XPO4: variants seen among roughly 807,000 people sequenced by gnomAD.
The protein encoded by XPO4 is exportin-4.
In XPO4, 39 loss-of-function variants were observed where a neutral mutation model predicts 143.0. The ratio of observed to expected loss-of-function variants is 0.27; its 90% CI spans 0.21 to 0.36. XPO4 has a LOEUF of 0.36. XPO4 is among the 10% of genes least tolerant of loss of function. The pLI is 1.00. For missense variants in XPO4, 907 were observed against 1,348.0 expected (o/e 0.67, Z 5.12); for synonymous variants, 439 against 474.0 (o/e 0.93, Z 0.96).
Position 20,861,777 on chromosome 13 carries a change from C to CTTTTTT in XPO4, c.317+934_317+939dup, listed in dbSNP as rs71200306. 4.7e-3 allele frequency among the ~76,000 whole-genome samples: 347 copies of CTTTTTT among 73,432 alleles called. 31 individuals carry two copies. The highest frequency in any genetic ancestry group is 0.034 in the Middle Eastern group (3 of 88). 48.2% of individuals were successfully genotyped at this position (73,432 alleles called of 152,430 possible). A position where few individuals can be genotyped will look rare whatever the true frequency, so the allele number is the denominator to read the frequency against. ...TTAATAGAACCTTGCACATTTCTCTCTTTTTTTTTTTTTTTTTTTTTTTTT... is the reference window on the plus strand; with the variant it reads ...TTAATAGAACCTTGCACATTTCTCTCTTTTTTTTTTTTTTTTTTTTTTTTTTTTTTT... On this transcript the variant is annotated intron_variant, in intron 3 of 22. Transcript: ENST00000255305.
chr13:20,878,185 A>G (rs923816897), intron 1 of XPO4, among the ~76,000 whole-genome samples: 10 of 152,188 alleles, frequency 6.6e-5, no homozygotes, highest in Admixed American at 2.0e-4. Context: ...AAAAAAACTA[A>G]CAAGTGTTTG....
intron 13 of XPO4, among the ~76,000 whole-genome samples, chr13:20,805,923 CTT>C (rs59858147): frequency 2.1e-5 from 3 of 143,930 alleles, no homozygotes; most frequent in Non-Finnish European, 3.1e-5. Flanking sequence ...AACATGGTGA[CTT>C]TTTTTTTTTT....
At chr13:20,865,706 G>A (rs567626942) in intron 2 of XPO4, 19 of 506,522 alleles carry the variant, frequency 3.8e-5, no homozygotes, top group African/African-American at 2.7e-4. Context: ...AAAAAACCCC[G>A]GTAGTGAAGC....
At chr13:20,800,443 C>T in intron 14 of XPO4, 118 bp from the exon 15 acceptor site, 1 of 882,248 alleles carries the variant, frequency 1.1e-6, no homozygotes. Flanking sequence ...TACTTCACAT[C>T]AACTTTACAC....
intron 1 of XPO4, among the ~76,000 whole-genome samples, chr13:20,872,248 A>G (rs891962550): frequency 2.0e-5 from 3 of 152,102 alleles, no homozygotes; most frequent in Non-Finnish European, 4.4e-5. Context: ...ACCCTTCAAA[A>G]ATCTGCTTCC....
intron 18 of XPO4, 89 bp downstream of exon 18, chr13:20,795,987 C>T: frequency 1.5e-6 from 2 of 1,322,544 alleles, no homozygotes; most frequent in South Asian, 1.6e-5. Flanking sequence ...TGAATTTCCT[C>T]ATGAGATGTC....
intron 9 of XPO4, among the ~76,000 whole-genome samples, chr13:20,813,184 T>G (rs944279246): frequency 2.0e-5 from 3 of 151,462 alleles, no homozygotes; most frequent in Non-Finnish European, 4.4e-5. Context: ...CATAATCCAA[T>G]CACCCCCCAC....
At chr13:20,797,876 G>A (rs185305794) in intron 16 of XPO4, among the ~76,000 whole-genome samples, 126 of 152,318 alleles carry the variant, frequency 8.3e-4, no homozygotes, top group African/African-American at 2.8e-3. Context: ...TTGGCCGGAT[G>A]CAGTGGCTCA....
intron 13 of XPO4, among the ~76,000 whole-genome samples, chr13:20,801,864 G>C (rs760048275): frequency 1.3e-5 from 2 of 152,096 alleles, no homozygotes; most frequent in East Asian, 3.9e-4. Context: ...ATACACACGT[G>C]TTTCAGTTCT....
At chr13:20,889,968 G>T (rs2060496884) in intron 1 of XPO4, among the ~76,000 whole-genome samples, 2 of 152,180 alleles carry the variant, frequency 1.3e-5, no homozygotes, top group South Asian at 4.1e-4. Context: ...CACCAATATT[G>T]TGTGCCACCA....
chr13:20,790,871 A>G (rs1367447299), intron 18 of XPO4, among the ~76,000 whole-genome samples: 1 of 152,208 alleles, frequency 6.6e-6, no homozygotes, highest in Non-Finnish European at 1.5e-5. Flanking sequence ...AGCAGGGGAC[A>G]GTCTAGAAAT....
chr13:20,890,818 A>AAG, intron 1 of XPO4, among the ~76,000 whole-genome samples: 1 of 150,688 alleles, frequency 6.6e-6, no homozygotes, highest in African/African-American at 2.4e-5. Context: ...AAAAAAAAAA[A>AAG]AGGAGCAGGC....
At chr13:20,809,280 C>T in intron 10 of XPO4, 55 bp from the exon 11 acceptor site, 1 of 1,577,744 alleles carries the variant, frequency 6.3e-7, no homozygotes, top group Non-Finnish European at 8.6e-7. Flanking sequence ...ATTCAACGTG[C>T]ACTTCTGTGG....
chr13:20,846,586 T>C (rs1331845787), intron 4 of XPO4, among the ~76,000 whole-genome samples: 3 of 152,224 alleles, frequency 2.0e-5, no homozygotes, highest in Non-Finnish European at 2.9e-5. Flanking sequence ...ACTTATAGAC[T>C]TAGCCCCCTG....
rs193235639 is a variant in XPO4 at position 20,803,569 on chromosome 13, C to T, written c.1818-2579G>A. ...AAATGCTTCCTAACTTGCCTTGTCA[C>T]CCTTTAAATTTATCACCCATGGAAT... On this transcript the variant is annotated intron_variant, in intron 13 of 22. Coordinates refer to ENST00000255305, the MANE Select transcript of XPO4 (RefSeq NM_022459.5). The surrounding 1 kb of genome is among the most constrained non-coding windows in gnomAD (Gnocchi z 4.1). Among the ~76,000 whole-genome samples, 4 of 152,258 alleles carry T rather than the reference C, an allele frequency of 2.6e-5. No individual in the cohort carries two copies. In the East Asian group the frequency reaches 7.7e-4, roughly 29 times the overall value.
At chr13:20,874,855 T>C (rs759014081) in intron 1 of XPO4, among the ~76,000 whole-genome samples, 8 of 152,210 alleles carry the variant, frequency 5.3e-5, no homozygotes, top group Non-Finnish European at 8.8e-5. Flanking sequence ...TAGCCGGGCA[T>C]GATGGCAGGT....
chr13:20,888,561 T>C (rs556451818), intron 1 of XPO4, among the ~76,000 whole-genome samples: 1 of 152,306 alleles, frequency 6.6e-6, no homozygotes, highest in African/African-American at 2.4e-5. Context: ...TTCGCCATGT[T>C]GCCCACTCTA....
chr13:20,866,490 A>G (rs1382446070), intron 2 of XPO4: 1 of 610,144 alleles, frequency 1.6e-6, no homozygotes, highest in Admixed American at 6.3e-5. Context: ...CTGAACTGCG[A>G]TTGACTGCCA....
chr13:20,857,587 C>T (rs928715023), intron 3 of XPO4, among the ~76,000 whole-genome samples: 2 of 151,770 alleles, frequency 1.3e-5, no homozygotes. Context: ...ATTAGCCAGG[C>T]GTGGTGGCAG....
Sources: gnomAD v4.1 joint callset for allele counts (sites outside exome capture counted in the v4.1 genomes callset) on GRCh38, gnomAD v4.1.1 for gene constraint, Gnocchi (gnomAD v3.1) non-coding constraint, MANE v1.5 for transcripts, NCBI Gene and HGNC (gene_info 2026-07-23, HGNC 2026-07-21) for gene names.